WDR62: variants seen among roughly 807,000 people sequenced by gnomAD.
WDR62 encodes WD repeat domain 62.
In WDR62, 112 loss-of-function variants were observed where a neutral mutation model predicts 160.6. The ratio of observed to expected loss-of-function variants is 0.70; its 90% CI spans 0.60 to 0.82. The LOEUF (loss-of-function observed/expected upper bound fraction) is 0.82, where lower values mean the gene tolerates loss of function less well. Ranked by LOEUF, WDR62 falls within the 40% of genes least tolerant of loss-of-function variation. The pLI, the probability that WDR62 is intolerant of heterozygous loss-of-function variation, is 0.00. For missense variants in WDR62, 1,819 were observed against 1,983.8 expected (o/e 0.92, Z 1.58); for synonymous variants, 792 against 815.1 (o/e 0.97, Z 0.48).
intron 8 of WDR62, among the ~76,000 whole-genome samples, 180 bp from the exon 9 acceptor site, chr19:36,073,162 T>C (rs937161924): frequency 2.0e-5 from 3 of 152,084 alleles, no homozygotes; most frequent in African/African-American, 4.8e-5. Context: ...GTAGCCTCTA[T>C]ATGAAAAGCA....
At chr19:36,090,422 GC>G in intron 15 of WDR62, 22 bp from the exon 16 acceptor site, 1 of 1,612,550 alleles carries the variant, frequency 6.2e-7, no homozygotes, top group Non-Finnish European at 8.5e-7. Flanking sequence ...CCTGTTGGCC[GC>G]AACATGCCCC....
chr19:36,069,360 G>T (rs1030798999), intron 7 of WDR62, among the ~76,000 whole-genome samples: 31 of 151,958 alleles, frequency 2.0e-4, no homozygotes, highest in African/African-American at 6.8e-4. Context: ...ACAGGGTCGC[G>T]GCCGGGTAGA....
chr19:36,096,759 C>T (rs1210781651), intron 20 of WDR62, among the ~76,000 whole-genome samples: 1 of 152,028 alleles, frequency 6.6e-6, no homozygotes, highest in Admixed American at 6.6e-5. Context: ...AACCCAGTTA[C>T]TGCCCCACCC....
intron 20 of WDR62, among the ~76,000 whole-genome samples, chr19:36,096,487 C>T (rs140825806): frequency 0.014 from 2,157 of 152,014 alleles, 119 homozygotes; most frequent in South Asian, 0.12. Flanking sequence ...GAGCGGATCA[C>T]GAGTTCAGGA....
chr19:36,060,241 GAC>G, intron 3 of WDR62: 1 of 609,902 alleles, frequency 1.6e-6, no homozygotes, highest in Non-Finnish European at 2.9e-6. Context: ...GCTAGAGCGA[GAC>G]AGACTGTAAA....
intron 15 of WDR62, 91 bp from the exon 16 acceptor site, chr19:36,090,354 T>C: frequency 8.1e-7 from 1 of 1,240,752 alleles, no homozygotes; most frequent in South Asian, 1.2e-5. Flanking sequence ...AGCAGGGGGC[T>C]TCCAGGGGAG....
intron 18 of WDR62, among the ~76,000 whole-genome samples, chr19:36,091,981 C>T (rs149740049): frequency 0.01 from 1,582 of 152,094 alleles, 12 homozygotes; most frequent in South Asian, 0.041. Flanking sequence ...GTTTGCTCCC[C>T]TGTAAAAGAC....
Position 36,090,493 on chromosome 19 carries a change from C to T in WDR62, c.2007C>T (p.Ser669=), listed in dbSNP as rs765652491. 4.1e-5 allele frequency: 66 copies of T among 1,613,964 alleles called. No individual in the cohort carries two copies. Among genetic ancestry groups the T allele is most frequent in the Admixed American group, 8.3e-5 (5 of 59,994 alleles). ...AGCAGAAGAAGTGCTACAAGGGCTCCCAGGGTGACGAAGGGTCCTTGCTGA... is the reference window on the plus strand; with the variant it reads ...AGCAGAAGAAGTGCTACAAGGGCTCTCAGGGTGACGAAGGGTCCTTGCTGA... ...NGKQKKCYKG[S]QGDEGSLLKV... is the part of the protein sequence containing the mutation. Residue 669 remains serine, a synonymous_variant, in exon 16 of 32, where the codon TCC becomes TCT. Coordinates refer to ENST00000401500, the MANE Select transcript of WDR62 (RefSeq NM_001083961.2).
At chr19:36,096,285 G>A (rs1344537987) in intron 20 of WDR62, among the ~76,000 whole-genome samples, 1 of 151,914 alleles carries the variant, frequency 6.6e-6, no homozygotes, top group Non-Finnish European at 1.5e-5. Context: ...GATGGTGTGT[G>A]TAGAGACAAG....
rs775206500 is a variant in WDR62, at chr19:36,101,200, C to T, written c.2868-14C>T. On this transcript the variant is annotated splice_polypyrimidine_tract_variant and intron_variant, in intron 23 of 31. Coordinates refer to ENST00000401500, the MANE Select transcript of WDR62 (RefSeq NM_001083961.2). ...GAAGTCCTTGTTCCCTCTCTGCCCC[C>T]ACTGGCACTGCAGCCAGTATTGCAG... The T allele has an allele frequency of 3.1e-6, 5 of 1,602,424 alleles. No homozygotes were observed. In the South Asian group the frequency reaches 5.6e-5, roughly 18 times the overall value.
chr19:36,069,663 T>G (rs1971175863), intron 7 of WDR62, among the ~76,000 whole-genome samples: 1 of 152,188 alleles, frequency 6.6e-6, no homozygotes, highest in Non-Finnish European at 1.5e-5. Context: ...AGGTTGTAGC[T>G]AGCCAAGATC....
chr19:36,089,398 C>G (rs1479843311), intron 15 of WDR62, 92 bp downstream of exon 15: 1 of 1,605,142 alleles, frequency 6.2e-7, no homozygotes, highest in East Asian at 2.2e-5. Flanking sequence ...CCCCAAGAAG[C>G]TGGGAAGGAA....
At chr19:36,097,741 A>C (rs1324083578) in intron 21 of WDR62, among the ~76,000 whole-genome samples, 4 of 151,980 alleles carry the variant, frequency 2.6e-5, no homozygotes, top group Non-Finnish European at 5.9e-5. Context: ...AAAATTAGCC[A>C]GGCATGGTGG....
Position 36,100,881 on chromosome 19 carries a change from T to C in WDR62, c.2867+6T>C, listed in dbSNP as rs1599841197. 5 of 1,614,004 alleles carry C rather than the reference T, an allele frequency of 3.1e-6. No homozygotes were observed. The South Asian group carries it at 5.5e-5, about 18-fold the overall frequency. Reference sequence around the variant, plus strand: ...ACAGTCACAGGGACAGACAGGTGGGTGTCCTTTCCACCAAGGGAGCCTTAG... The same window carrying C: ...ACAGTCACAGGGACAGACAGGTGGGCGTCCTTTCCACCAAGGGAGCCTTAG... On this transcript the variant is annotated splice_donor_region_variant and intron_variant, in intron 23 of 31. Transcript: ENST00000401500.
rs1175472090 is a variant in WDR62 at position 36,104,502 on chromosome 19, C to T, written c.4154-16C>T. 1.9e-6 allele frequency: 3 copies of T among 1,613,180 alleles called. No homozygotes were observed. Among genetic ancestry groups the T allele is most frequent in the Admixed American group, 1.7e-5 (1 of 60,004 alleles). On this transcript the variant is annotated splice_polypyrimidine_tract_variant and intron_variant, in intron 30 of 31. Coordinates refer to ENST00000401500, the MANE Select transcript of WDR62 (RefSeq NM_001083961.2). ...GAATGCAGCTCATCTTGCTCATTCC[C>T]TTCTCTCTACCCCAGGTGCACTTGG...
chr19:36,101,936 C>T (rs773652139), intron 25 of WDR62, 78 bp from the exon 26 acceptor site: 113 of 1,605,950 alleles, frequency 7.0e-5, no homozygotes, highest in Middle Eastern at 1.6e-4. Context: ...GGGTGGGGCC[C>T]GCTTTCTCCA....
In WDR62 at chr19:36,101,850, G is replaced by T. The variant is rs2311004; in HGVS notation, c.3082+76G>T. 659,640 of 1,486,458 alleles carry T rather than the reference G, an allele frequency of 0.44. 150,239 individuals are homozygous for T. The highest frequency in any genetic ancestry group is 0.59 in the East Asian group (24,274 of 41,222). 92.1% of individuals were successfully genotyped at this position (1,486,458 alleles called of 1,614,324 possible). On this transcript the variant is annotated intron_variant, in intron 25 of 31. Coordinates refer to ENST00000401500, the MANE Select transcript of WDR62 (RefSeq NM_001083961.2). ...GGCCAGTCACAATGTCTAAGCACAG[G>T]CCCTGCACTTGGAGCCCACTGAGCC...
intron 18 of WDR62, 131 bp from the exon 19 acceptor site, chr19:36,092,558 G>C (rs1274375185): frequency 1.5e-6 from 2 of 1,295,924 alleles, no homozygotes; most frequent in Non-Finnish European, 2.2e-6. Flanking sequence ...AAGCGGATAG[G>C]GGTGTGTTTT....
the WDR62 span, among the ~76,000 whole-genome samples, chr19:36,110,355 C>G: frequency 6.6e-6 from 1 of 152,062 alleles, no homozygotes; most frequent in Non-Finnish European, 1.5e-5. Context: ...CCTGTAGTCC[C>G]AGCTACTCAG....
Sources: allele counts gnomAD v4.1 joint callset (sites outside exome capture counted in the v4.1 genomes callset), GRCh38; gene constraint gnomAD v4.1.1; transcripts MANE v1.5; gene names NCBI Gene and HGNC (gene_info 2026-07-23, HGNC 2026-07-21).